NEMP2: variants seen among roughly 807,000 people sequenced by gnomAD.
The protein encoded by NEMP2 is UPF0571 transmembrane protein.
A neutral mutation model predicts 54.2 loss-of-function variants in NEMP2; 53 were observed. The observed-to-expected ratio is 0.98, with a 90% CI of 0.78 to 1.23. The LOEUF is 1.23. Ranked by LOEUF, NEMP2 falls within the 50% of genes most tolerant of loss-of-function variation. The pLI is 0.00. For synonymous variants in NEMP2, 197 were observed against 190.3 expected, an observed-to-expected ratio of 1.04 and a Z score of -0.29; for missense variants, 455 against 511.3, an observed-to-expected ratio of 0.89 and a Z score of 1.06.
In NEMP2 at chr2:190,507,130, C is replaced by A. The variant is rs958280475; in HGVS notation, c.*2059G>T. The A allele has an allele frequency of 6.6e-6, 1 of 152,224 alleles. No homozygotes were observed. Among genetic ancestry groups the A allele is most frequent in the Non-Finnish European group, 1.5e-5 (1 of 68,042 alleles). The allele number at this position is 152,224 out of a possible 1,614,324, so 9.4% of individuals were successfully genotyped here. ...CAACATAAATACACTAAAAATATCA[C>A]AAGTAATGCTTCTAATTGTTTAGCT... On this transcript the variant is annotated 3_prime_UTR_variant, in exon 9 of 9. Transcript: ENST00000409150. The surrounding 1 kb of genome is among the most constrained non-coding windows in gnomAD (Gnocchi z 4.4).
chr2:190,431,048 G>A, the NEMP2 span, among the ~76,000 whole-genome samples: 43 of 141,120 alleles, frequency 3.0e-4, no homozygotes, highest in East Asian at 8.9e-4. This position sits in a 1 kb window ranked among gnomAD's most constrained non-coding sequence, Gnocchi z 4.4. Context: ...GGGCAGAGGC[G>A]CTCCTCACCT....
the NEMP2 span, among the ~76,000 whole-genome samples, chr2:190,452,922 A>G: frequency 1.3e-5 from 2 of 152,326 alleles, no homozygotes; most frequent in South Asian, 4.1e-4. Context: ...ATCATTTAGG[A>G]AGAATTAATT....
At chr2:190,439,063 A>G in the NEMP2 span, among the ~76,000 whole-genome samples, 2 of 152,090 alleles carry the variant, frequency 1.3e-5, no homozygotes, top group South Asian at 2.1e-4. The surrounding 1 kb of genome is among the most constrained non-coding windows in gnomAD (Gnocchi z 5.8). Context: ...GAGAGCCCAC[A>G]TAATATTAAG....
At chr2:190,647,710 C>CTTCTT in the NEMP2 span, among the ~76,000 whole-genome samples, 4 of 102,370 alleles carry the variant, frequency 3.9e-5, no homozygotes, top group South Asian at 6.6e-4. Context: ...TCTTCTTCTT[C>CTTCTT]TTTTTTTTTT....
chr2:190,609,001 A>T, the NEMP2 span: 2 of 152,150 alleles, frequency 1.3e-5, no homozygotes, highest in African/African-American at 4.8e-5. The surrounding 1 kb of genome is among the most constrained non-coding windows in gnomAD (Gnocchi z 4.7). Context: ...GGACTACTGT[A>T]TAGAGGGGAT....
the NEMP2 span, among the ~76,000 whole-genome samples, chr2:190,460,498 A>G: frequency 1.4e-4 from 21 of 152,318 alleles, no homozygotes; most frequent in East Asian, 4.1e-3. Flanking sequence ...TTGATATTCT[A>G]TTTGAAGTAT....
the NEMP2 span, among the ~76,000 whole-genome samples, chr2:190,566,641 GA>G: frequency 1.4e-5 from 2 of 147,066 alleles, no homozygotes; most frequent in African/African-American, 5.0e-5. Flanking sequence ...GAAGGGAAGG[GA>G]GGGGAGGGGA....
rs1288449157 is a variant in NEMP2 at position 190,505,514 on chromosome 2, C to G, written c.*3675G>C. The stretch of plus-strand genomic sequence containing the variant: ...CGACCAAATCTAAAAAAACAGATGC[C>G]TCAAATTATTTAAATAATAGAGAAG... On this transcript the variant is annotated 3_prime_UTR_variant, in exon 9 of 9. Transcript: ENST00000409150. The surrounding 1 kb of genome is among the most constrained non-coding windows in gnomAD (Gnocchi z 5.8). 6.6e-6 allele frequency: 1 copy of G among 152,046 alleles called. No individual in the cohort carries two copies. The highest frequency in any genetic ancestry group is 1.9e-4 in the East Asian group (1 of 5,206). The allele number at this position is 152,046 out of a possible 1,614,324, so 9.4% of individuals were successfully genotyped here. A position where few individuals can be genotyped will look rare whatever the true frequency, so the allele number is the denominator to read the frequency against.
chr2:190,546,805 G>T, the NEMP2 span, among the ~76,000 whole-genome samples: 1 of 152,130 alleles, frequency 6.6e-6, no homozygotes, highest in Non-Finnish European at 1.5e-5. The surrounding 1 kb of genome is among the most constrained non-coding windows in gnomAD (Gnocchi z 5.1). Context: ...ATAACTAAAA[G>T]TGTCTTAAAC....
chr2:190,479,028 G>T, the NEMP2 span, among the ~76,000 whole-genome samples: 1 of 152,130 alleles, frequency 6.6e-6, no homozygotes, highest in African/African-American at 2.4e-5. Flanking sequence ...GCTGGTGGAG[G>T]ATTCCTTGTT....
chr2:190,603,421 GAAAT>G, the NEMP2 span, among the ~76,000 whole-genome samples: 2 of 151,544 alleles, frequency 1.3e-5, no homozygotes, highest in Non-Finnish European at 2.9e-5. Context: ...TCATTTGTGG[GAAAT>G]AATAAATATA....
At chr2:190,574,057 CCT>C in the NEMP2 span, among the ~76,000 whole-genome samples, 3 of 152,126 alleles carry the variant, frequency 2.0e-5, no homozygotes, top group East Asian at 1.9e-4. Context: ...GCGTTTCTCC[CCT>C]CTTTCTCTTT....
chr2:190,623,883 T>C, the NEMP2 span, among the ~76,000 whole-genome samples: 8 of 152,258 alleles, frequency 5.3e-5, no homozygotes, highest in South Asian at 1.4e-3. Context: ...AAAGTGAAGA[T>C]ACAACCTACA....
At chr2:190,554,443 G>A in the NEMP2 span, among the ~76,000 whole-genome samples, 2 of 152,202 alleles carry the variant, frequency 1.3e-5, no homozygotes, top group Non-Finnish European at 2.9e-5. The surrounding 1 kb of genome is among the most constrained non-coding windows in gnomAD (Gnocchi z 5.7). Context: ...GTCTGAGCTC[G>A]ACCTGGGACT....
At chr2:190,596,139 T>G in the NEMP2 span, among the ~76,000 whole-genome samples, 1 of 152,232 alleles carries the variant, frequency 6.6e-6, no homozygotes, top group African/African-American at 2.4e-5. The surrounding 1 kb of genome is among the most constrained non-coding windows in gnomAD (Gnocchi z 5.1). Context: ...CTCAGCAAAC[T>G]GACACAGGAC....
chr2:190,440,195 G>C, the NEMP2 span, among the ~76,000 whole-genome samples: 1 of 152,252 alleles, frequency 6.6e-6, no homozygotes, highest in Middle Eastern at 3.4e-3. Flanking sequence ...GTAATAATAA[G>C]AAAGATTCAT....
the NEMP2 span, among the ~76,000 whole-genome samples, chr2:190,555,411 C>T: frequency 1.8e-4 from 28 of 151,664 alleles, no homozygotes; most frequent in Admixed American, 2.6e-4. The surrounding 1 kb of genome is among the most constrained non-coding windows in gnomAD (Gnocchi z 4.8). Context: ...TGCAAGGAAG[C>T]GAATAGCCTT....
At chr2:190,567,145 C>G in the NEMP2 span, among the ~76,000 whole-genome samples, 3 of 151,784 alleles carry the variant, frequency 2.0e-5, no homozygotes, top group East Asian at 5.8e-4. This position sits in a 1 kb window ranked among gnomAD's most constrained non-coding sequence, Gnocchi z 4.0. Flanking sequence ...GATAAAAGAA[C>G]AATTAGATAA....
chr2:190,571,751 A>T, the NEMP2 span, among the ~76,000 whole-genome samples: 1 of 152,168 alleles, frequency 6.6e-6, no homozygotes, highest in East Asian at 1.9e-4. Context: ...TGAAAGGGAA[A>T]GGAGTTGGCA....
Sources: allele counts gnomAD v4.1 joint callset (sites outside exome capture counted in the v4.1 genomes callset), GRCh38; gene constraint gnomAD v4.1.1; non-coding constraint Gnocchi (gnomAD v3.1); transcripts MANE v1.5; gene names NCBI Gene and HGNC (gene_info 2026-07-23, HGNC 2026-07-21).